ATP9A: variants seen among roughly 807,000 people sequenced by gnomAD.
ATP9A encodes probable phospholipid-transporting ATPase IIA.
In ATP9A, 52 loss-of-function variants were observed where a neutral mutation model predicts 144.1. The observed-to-expected ratio is 0.36, with a 90% CI of 0.29 to 0.45. ATP9A has a LOEUF of 0.45. Ranked by LOEUF, ATP9A falls within the 20% of genes least tolerant of loss-of-function variation. The pLI is 1.00. For missense variants in ATP9A, 947 were observed against 1,392.7 expected (o/e 0.68, Z 5.09); for synonymous variants, 582 against 557.4 (o/e 1.04, Z -0.62).
In ATP9A at chr20:51,682,577, C is replaced by CTTTTTTTTTTTTTTTTTTTTTTTTTTTTT; in HGVS notation, c.800-6398_800-6370dup. ...TAAAGTGTGTTGCTTTTCACTGTAT[C>CTTTTTTTTTTTTTTTTTTTTTTTTTTTTT]TTTTTTTTTTTTTTTTTTTTTTTTT... On this transcript the variant is annotated intron_variant, in intron 9 of 27. Coordinates refer to ENST00000338821, the MANE Select transcript of ATP9A (RefSeq NM_006045.3). Among the ~76,000 whole-genome samples, 2 of 35,076 alleles carry CTTTTTTTTTTTTTTTTTTTTTTTTTTTTT rather than the reference C, an allele frequency of 5.7e-5. 1 individual carries two copies. The highest frequency in any genetic ancestry group is 1.1e-4 in the Non-Finnish European group (2 of 18,830). The allele number at this position is 35,076 out of a possible 152,430, so 23.0% of individuals were successfully genotyped here.
intron 2 of ATP9A, among the ~76,000 whole-genome samples, chr20:51,726,779 A>G (rs1029976481): frequency 6.7e-6 from 1 of 149,648 alleles, no homozygotes; most frequent in Non-Finnish European, 1.5e-5. Context: ...GGGTCTCCCT[A>G]TGTTGCCCAG....
intron 3 of ATP9A, among the ~76,000 whole-genome samples, chr20:51,717,065 G>A (rs905598706): frequency 2.6e-5 from 4 of 151,370 alleles, no homozygotes; most frequent in Non-Finnish European, 4.4e-5. Flanking sequence ...CCAGCTCCTC[G>A]GGTGGCTGAG....
intron 1 of ATP9A, among the ~76,000 whole-genome samples, chr20:51,761,155 A>C (rs1385392247): frequency 1.3e-5 from 2 of 152,222 alleles, no homozygotes; most frequent in Admixed American, 1.3e-4. Context: ...AATTACCAAC[A>C]TCAAAGGGCC....
At chr20:51,604,756 AG>A in intron 27 of ATP9A, 60 bp downstream of exon 27, 1 of 1,377,662 alleles carries the variant, frequency 7.3e-7, no homozygotes, top group Non-Finnish European at 9.5e-7. Context: ...TACGGCAGTG[AG>A]ACCTCTGGGC....
chr20:51,669,302 C>T (rs533326105), intron 13 of ATP9A, among the ~76,000 whole-genome samples: 349 of 152,254 alleles, frequency 2.3e-3, no homozygotes, highest in Non-Finnish European at 3.7e-3. Context: ...GGGGACCCAC[C>T]GGTCTAACAC....
At chr20:51,763,677 T>C (rs1568852044) in intron 1 of ATP9A, among the ~76,000 whole-genome samples, 2 of 152,204 alleles carry the variant, frequency 1.3e-5, no homozygotes, top group Admixed American at 6.6e-5. Flanking sequence ...GTTTAAAACA[T>C]TGTGGTAGAC....
At chr20:51,706,621 G>A (rs1477715856) in intron 4 of ATP9A, among the ~76,000 whole-genome samples, 1 of 152,176 alleles carries the variant, frequency 6.6e-6, no homozygotes, top group African/African-American at 2.4e-5. Flanking sequence ...ATAGTGACAT[G>A]CAACTATGGT....
At chr20:51,609,246 T>C (rs779701091) in intron 24 of ATP9A, among the ~76,000 whole-genome samples, 19 of 152,138 alleles carry the variant, frequency 1.2e-4, no homozygotes, top group Non-Finnish European at 2.4e-4. Flanking sequence ...GACTATATTC[T>C]GTAATGTTCT....
At chr20:51,674,869 C>T (rs1288272248) in intron 10 of ATP9A, among the ~76,000 whole-genome samples, 1 of 152,150 alleles carries the variant, frequency 6.6e-6, no homozygotes, top group Admixed American at 6.6e-5. Context: ...GTCACCCAGG[C>T]TGGAATGCAA....
At chr20:51,675,226 TAAAC>T (rs1386315109) in intron 10 of ATP9A, among the ~76,000 whole-genome samples, 1 of 152,348 alleles carries the variant, frequency 6.6e-6, no homozygotes, top group Non-Finnish European at 1.5e-5. Flanking sequence ...GCTAAAACAT[TAAAC>T]AAACGATTTT....
intron 15 of ATP9A, among the ~76,000 whole-genome samples, chr20:51,638,074 TATATATATATATATATATATA>T (rs2077301368): frequency 9.8e-5 from 1 of 10,170 alleles, no homozygotes; most frequent in African/African-American, 3.2e-4. Context: ...CATCATTTTA[TATATATATATATATATATATA>T]TATATATATA....
intron 27 of ATP9A, 84 bp downstream of exon 27, chr20:51,604,733 C>A: frequency 7.9e-7 from 1 of 1,273,056 alleles, no homozygotes; most frequent in Non-Finnish European, 1.0e-6. Flanking sequence ...CGCTGGGAAC[C>A]CCCCTTCCTT....
chr20:51,613,578 T>C, intron 23 of ATP9A, 99 bp downstream of exon 23: 2 of 1,273,664 alleles, frequency 1.6e-6, no homozygotes, highest in Non-Finnish European at 2.1e-6. Flanking sequence ...TCCATGATAA[T>C]TACATAGCCA....
chr20:51,763,690 C>A (rs2122924849), intron 1 of ATP9A, among the ~76,000 whole-genome samples: 1 of 152,272 alleles, frequency 6.6e-6, no homozygotes, highest in South Asian at 2.1e-4. Flanking sequence ...TGGTAGACAA[C>A]ATATCTATTC....
At chr20:51,656,467 C>T (rs535466128) in intron 14 of ATP9A, among the ~76,000 whole-genome samples, 112 of 152,150 alleles carry the variant, frequency 7.4e-4, no homozygotes, top group Middle Eastern at 3.4e-3. Context: ...GCAGGAGAAT[C>T]GCTCGAACCC....
chr20:51,628,819 C>T (rs1379181640), intron 16 of ATP9A, among the ~76,000 whole-genome samples, 161 bp downstream of exon 16: 1 of 152,208 alleles, frequency 6.6e-6, no homozygotes, highest in African/African-American at 2.4e-5. Context: ...CCCACAGAAA[C>T]CATTATATAT....
At chr20:51,638,121 A>ATATCTATC (rs1555831227) in intron 15 of ATP9A, among the ~76,000 whole-genome samples, 45 of 103,020 alleles carry the variant, frequency 4.4e-4, no homozygotes, top group African/African-American at 1.7e-3. Context: ...ATATATATAT[A>ATATCTATC]TATCTCATAG....
At chr20:51,683,714 C>A (rs1254743723) in intron 9 of ATP9A, among the ~76,000 whole-genome samples, 1 of 152,138 alleles carries the variant, frequency 6.6e-6, no homozygotes, top group Non-Finnish European at 1.5e-5. Flanking sequence ...CTGCACCCAG[C>A]CTCGTTTTAC....
chr20:51,692,629 G>A (rs773196814), intron 7 of ATP9A, among the ~76,000 whole-genome samples: 14 of 152,010 alleles, frequency 9.2e-5, no homozygotes, highest in South Asian at 4.1e-4. Context: ...CGGTGAAACC[G>A]TGTCTCTACT....
Sources: allele counts gnomAD v4.1 joint callset (sites outside exome capture counted in the v4.1 genomes callset), GRCh38; gene constraint gnomAD v4.1.1; transcripts MANE v1.5; gene names NCBI Gene and HGNC (gene_info 2026-07-23, HGNC 2026-07-21).